MOB4: variants seen among roughly 807,000 people sequenced by gnomAD.
MOB4 encodes MOB family member 4, phocein.
In MOB4, 4 loss-of-function variants were observed where a neutral mutation model predicts 32.2. The observed-to-expected ratio is 0.12, with a 90% confidence interval of 0.06 to 0.28. MOB4 has a LOEUF of 0.28. Among genes scored for constraint, MOB4 ranks in the 10% least tolerant of loss-of-function variants. MOB4 has a pLI of 1.00. For missense variants in MOB4, 158 were observed against 271.2 expected, an observed-to-expected ratio of 0.58 and a Z score of 2.93; for synonymous variants, 88 against 88.1, an observed-to-expected ratio of 1.00 and a Z score of 0.01.
At chr2:197,521,089 A>T (rs949059801) in intron 1 of MOB4, among the ~76,000 whole-genome samples, 1 of 152,084 alleles carries the variant, frequency 6.6e-6, no homozygotes, top group African/African-American at 2.4e-5. Flanking sequence ...TAAATGGGGT[A>T]TCCATCACCA....
chr2:197,525,834 T>G lies in MOB4; in HGVS notation c.123+2148T>G, dbSNP rs114381998. Among the ~76,000 whole-genome samples the G allele has an allele frequency of 5.9e-3, 903 of 152,358 alleles. 11 individuals carry two copies. Among genetic ancestry groups the G allele is most frequent in the African/African-American group, 0.021 (861 of 41,588 alleles). On this transcript the variant is annotated intron_variant, in intron 2 of 7. Transcript: ENST00000323303. ...AGGAATATAAACCTAGATCTAGCTC[T>G]ATGCCTAGAAATTGGTTAAATTTTG...
At chr2:197,538,906 A>G (rs918354327) in intron 3 of MOB4, among the ~76,000 whole-genome samples, 26 of 152,338 alleles carry the variant, frequency 1.7e-4, no homozygotes, top group Non-Finnish European at 1.0e-4. Context: ...GGACAGCATT[A>G]TTAGGCATCT....
chr2:197,519,584 G>A (rs980934935), intron 1 of MOB4, among the ~76,000 whole-genome samples: 3 of 152,064 alleles, frequency 2.0e-5, no homozygotes, highest in Admixed American at 6.5e-5. Flanking sequence ...AAAGAAAGCC[G>A]GTACATGTTT....
At chr2:197,542,889 A>G (rs1277015445) in intron 5 of MOB4, among the ~76,000 whole-genome samples, 1 of 152,222 alleles carries the variant, frequency 6.6e-6, no homozygotes, top group East Asian at 1.9e-4. Flanking sequence ...TTAAAAATTC[A>G]GAAACCAGTT....
intron 2 of MOB4, among the ~76,000 whole-genome samples, chr2:197,527,186 C>T (rs1382156059): frequency 2.6e-5 from 4 of 151,868 alleles, no homozygotes; most frequent in Non-Finnish European, 2.9e-5. Flanking sequence ...AGGGGGGCGT[C>T]GATTGGAATT....
chr2:197,521,578 G>T (rs2106104773), intron 1 of MOB4, among the ~76,000 whole-genome samples: 1 of 152,234 alleles, frequency 6.6e-6, no homozygotes, highest in South Asian at 2.1e-4. Flanking sequence ...GGAGACTGGG[G>T]TTTATTTCAC....
chr2:197,528,773 C>G (rs7580864), intron 2 of MOB4, among the ~76,000 whole-genome samples: 107,231 of 151,112 alleles, frequency 0.71, 38,820 homozygotes, highest in Middle Eastern at 0.87. Context: ...CCGCCATCAC[C>G]CCCGGCTAAT....
At chr2:197,539,764 A>T (rs1490326318) in intron 3 of MOB4, among the ~76,000 whole-genome samples, 2 of 152,192 alleles carry the variant, frequency 1.3e-5, no homozygotes, top group African/African-American at 4.8e-5. Context: ...TGATTATTTC[A>T]TTACAATAGA....
Position 197,523,644 on chromosome 2 carries a change from T to A in MOB4, c.81T>A (p.Asp27Glu). 6.2e-7 allele frequency: 1 copy of A among 1,610,296 alleles called. No homozygotes were observed. The highest frequency in any genetic ancestry group is 8.5e-7 in the Non-Finnish European group (1 of 1,179,206). The stretch of plus-strand genomic sequence containing the variant: ...TATAGGATTTCTATAATTGGCCTGA[T>A]GAATCCTTTGATGAAATGGACAGTA... ...TKAQDFYNWP[D>E]ESFDEMDSTL... Residue 27 changes from aspartate to glutamate, a missense_variant, in exon 2 of 8, where the codon GAT (aspartate) becomes GAA (glutamate). By Grantham distance (45) the Asp-to-Glu change is conservative. This residue lies in a region of MOB4 where 25 missense variants were observed against 70.9 expected (regional missense o/e 0.35). Coordinates refer to ENST00000323303, the MANE Select transcript of MOB4 (RefSeq NM_015387.5).
intron 6 of MOB4, among the ~76,000 whole-genome samples, chr2:197,550,055 A>G (rs534540395): frequency 3.3e-5 from 5 of 152,200 alleles, no homozygotes; most frequent in East Asian, 1.9e-4. Flanking sequence ...TTTCAAAACT[A>G]TAATGCTGAA....
upstream of MOB4, chr2:197,515,993 C>T (rs987383328): frequency 3.0e-6 from 4 of 1,328,168 alleles, no homozygotes; most frequent in Admixed American, 2.2e-5. Flanking sequence ...GCCGCTCCTC[C>T]TCCCAGACGC....
At chr2:197,534,224 T>C (rs967783311) in intron 2 of MOB4, among the ~76,000 whole-genome samples, 1 of 152,250 alleles carries the variant, frequency 6.6e-6, no homozygotes, top group African/African-American at 2.4e-5. Context: ...CAAAATTGAT[T>C]GGCTCAAGAA....
chr2:197,523,235 A>G (rs1053680195), intron 1 of MOB4, among the ~76,000 whole-genome samples: 14 of 152,156 alleles, frequency 9.2e-5, no homozygotes, highest in African/African-American at 3.4e-4. Flanking sequence ...GGAATCTGTG[A>G]TTGGAAAAAA....
chr2:197,523,584 G>C (rs1379179341), intron 1 of MOB4, 40 bp from the exon 2 acceptor site: 32 of 1,582,186 alleles, frequency 2.0e-5, no homozygotes, highest in Non-Finnish European at 2.8e-5. Flanking sequence ...AATCATAATA[G>C]TATTTTGTAT....
chr2:197,550,176 TAGGTGTC>T, intron 6 of MOB4, 92 bp from the exon 7 acceptor site: 2 of 1,086,338 alleles, frequency 1.8e-6, no homozygotes, highest in Non-Finnish European at 2.5e-6. Context: ...TTATTTTCCC[TAGGTGTC>T]AGTTTCTACA....
chr2:197,539,040 T>A (rs150501240), intron 3 of MOB4, among the ~76,000 whole-genome samples: 3 of 152,248 alleles, frequency 2.0e-5, no homozygotes, highest in African/African-American at 7.2e-5. Context: ...ATATATCCTG[T>A]TTTTTTCTTT....
intron 2 of MOB4, among the ~76,000 whole-genome samples, chr2:197,528,846 T>C (rs2086653087): frequency 6.6e-6 from 1 of 152,178 alleles, no homozygotes; most frequent in East Asian, 1.9e-4. Flanking sequence ...CTCAATCTCC[T>C]GACCTCGTGA....
At chr2:197,527,200 A>T (rs914124969) in intron 2 of MOB4, among the ~76,000 whole-genome samples, 3 of 152,112 alleles carry the variant, frequency 2.0e-5, no homozygotes, top group Non-Finnish European at 2.9e-5. Context: ...TGGAATTTAG[A>T]TAGAGATTGC....
chr2:197,523,805 C>T (rs1201516614), intron 2 of MOB4, 119 bp downstream of exon 2: 5 of 933,962 alleles, frequency 5.4e-6, no homozygotes, highest in Admixed American at 3.7e-5. Flanking sequence ...AAAGCGTGCT[C>T]TTTCACAAAA....
Sources: allele counts gnomAD v4.1 joint callset (sites outside exome capture counted in the v4.1 genomes callset), GRCh38; gene constraint gnomAD v4.1.1; regional missense constraint gnomAD v4.1.1; transcripts MANE v1.5; gene names NCBI Gene and HGNC (gene_info 2026-07-23, HGNC 2026-07-21).